The following THOC2 variants were observed in gnomAD, a reference collection of about 807,000 sequenced individuals.
The protein encoded by THOC2 is THO complex subunit 2.
In THOC2, 10 loss-of-function variants were observed where a neutral mutation model predicts 128.4. That is an observed-to-expected ratio of 0.08 (90% confidence interval 0.05 to 0.13). The LOEUF is 0.13. Among genes scored for constraint, THOC2 ranks in the 10% least tolerant of loss-of-function variants. THOC2 has a pLI of 1.00. For synonymous variants in THOC2, 393 were observed against 396.9 expected (o/e 0.99, Z 0.12); for missense variants, 535 against 1,155.7 (o/e 0.46, Z 7.79).
At chrX:123,728,192 GT>G (rs2052077588) in intron 1 of THOC2, among the ~76,000 whole-genome samples, 1 of 110,095 alleles carries the variant, frequency 9.1e-6, no homozygotes, top group Admixed American at 9.8e-5. Context: ...GGACAACACA[GT>G]TTTATCTTGT....
intron 22 of THOC2, among the ~76,000 whole-genome samples, chrX:123,628,609 G>C (rs756302450): frequency 4.9e-4 from 54 of 110,002 alleles, no homozygotes; most frequent in Middle Eastern, 4.7e-3. Flanking sequence ...TACTTGGGAG[G>C]CTGAGGTGAG....
rs909315652 is a variant in THOC2, at chrX:123,686,569, C to T, written c.747G>A (p.Gly249=). Residue 249 remains glycine, a synonymous_variant, in exon 8 of 39, where the codon GGG becomes GGA. Coordinates refer to ENST00000245838, the MANE Select transcript of THOC2 (RefSeq NM_001081550.2). Reference sequence around the variant, plus strand: ...TTACCTGGTAAAACTTGAATTTGAACCCAAGAATATGACACAGTGTTTGCG... The same window carrying T: ...TTACCTGGTAAAACTTGAATTTGAATCCAAGAATATGACACAGTGTTTGCG... ...CEPQTLCHIL[G]FKFKFYQEPN... 3.3e-6 allele frequency: 4 copies of T among 1,195,718 alleles called. No homozygotes were observed. The highest frequency in any genetic ancestry group is 4.5e-6 in the Non-Finnish European group (4 of 887,468).
At chrX:123,666,735 C>T (rs2049064396) in intron 11 of THOC2, among the ~76,000 whole-genome samples, 1 of 111,703 alleles carries the variant, frequency 9.0e-6, no homozygotes, top group Non-Finnish European at 1.9e-5. Flanking sequence ...AGCCACTCAG[C>T]CAGGATGGAG....
At chrX:123,611,549 GAAAGCCAAATATA>G (rs772572749) in intron 36 of THOC2, 33 bp from the exon 37 acceptor site, 1 of 988,118 alleles carries the variant, frequency 1.0e-6, no homozygotes, top group African/African-American at 1.9e-5. Flanking sequence ...CTGGGGAAGG[GAAAGCCAAATATA>G]AAAGCCAGCT....
chrX:123,621,612 T>C, intron 30 of THOC2, 25 bp from the exon 31 acceptor site: 1 of 1,001,672 alleles, frequency 1.0e-6, no homozygotes, highest in Non-Finnish European at 1.3e-6. Context: ...CATGGGATTT[T>C]AACACAAATA....
rs138972494 is a variant in THOC2 at position 123,725,297 on chromosome X, G to A, written c.71+7655C>T. On this transcript the variant is annotated intron_variant, in intron 1 of 38. Coordinates refer to ENST00000245838, the MANE Select transcript of THOC2 (RefSeq NM_001081550.2). ...GAACAGTGGTTGGTTAAGAACACTG[G>A]TTAAAGTTGGATATGCTGGCTCATG... 4.2e-3 allele frequency among the ~76,000 whole-genome samples: 459 copies of A among 109,076 alleles called. 2 individuals are homozygous for A. The highest frequency in any genetic ancestry group is 0.015 in the African/African-American group (434 of 29,929). The allele number at this position is 109,076 out of a possible 115,157, so 94.7% of individuals were successfully genotyped here. A position where few individuals can be genotyped will look rare whatever the true frequency, so the allele number is the denominator to read the frequency against.
At chrX:123,722,186 A>T (rs911109186) in intron 1 of THOC2, among the ~76,000 whole-genome samples, 3 of 111,899 alleles carry the variant, frequency 2.7e-5, no homozygotes, top group African/African-American at 9.8e-5. Flanking sequence ...AGAACCAGAA[A>T]TACCATTTGA....
chrX:123,642,886 T>C (rs1279174215), intron 15 of THOC2, among the ~76,000 whole-genome samples: 2 of 111,583 alleles, frequency 1.8e-5, no homozygotes, highest in Non-Finnish European at 3.8e-5. Context: ...TGAGACTTTT[T>C]GCTGTATTTA....
chrX:123,644,528 G>C (rs766699040), intron 15 of THOC2, 47 bp downstream of exon 15: 1 of 955,298 alleles, frequency 1.0e-6, no homozygotes, highest in Admixed American at 2.8e-5. Flanking sequence ...AAGTATATTA[G>C]ATTCAGATAT....
chrX:123,721,701 G>A (rs775726251), intron 1 of THOC2, among the ~76,000 whole-genome samples: 6 of 108,176 alleles, frequency 5.5e-5, no homozygotes, highest in East Asian at 3.0e-4. Context: ...CAGGAGAATC[G>A]CTTGGACTCA....
chrX:123,640,044 A>C (rs12389592), intron 16 of THOC2, among the ~76,000 whole-genome samples: 2,811 of 111,221 alleles, frequency 0.025, 80 homozygotes, highest in African/African-American at 0.087. Flanking sequence ...AAAATTAGCC[A>C]AGTGCAGTGG....
intron 8 of THOC2, among the ~76,000 whole-genome samples, chrX:123,673,899 T>G (rs756030183): frequency 5.4e-5 from 6 of 111,669 alleles, no homozygotes; most frequent in Non-Finnish European, 1.1e-4. Flanking sequence ...AGCTTTGAAT[T>G]TCATATCACT....
At chrX:123,665,126 G>A (rs889135511) in intron 12 of THOC2, among the ~76,000 whole-genome samples, 5 of 111,347 alleles carry the variant, frequency 4.5e-5, no homozygotes, top group African/African-American at 6.5e-5. Flanking sequence ...ACAATGTTTC[G>A]GTTGATGGAC....
chrX:123,613,882 G>A (rs2046795262), intron 34 of THOC2, among the ~76,000 whole-genome samples, 170 bp downstream of exon 34: 1 of 111,163 alleles, frequency 9.0e-6, no homozygotes, highest in Non-Finnish European at 1.9e-5. Flanking sequence ...TTACTAGGCT[G>A]AAGATCCTTA....
At chrX:123,725,570 T>C (rs1051526318) in intron 1 of THOC2, among the ~76,000 whole-genome samples, 3 of 93,770 alleles carry the variant, frequency 3.2e-5, no homozygotes, top group Non-Finnish European at 6.1e-5. Context: ...GTAGTACCAC[T>C]GCACTCCAGC....
intron 8 of THOC2, among the ~76,000 whole-genome samples, chrX:123,675,822 T>C (rs1603295384): frequency 8.9e-6 from 1 of 112,080 alleles, no homozygotes; most frequent in Non-Finnish European, 1.9e-5. Context: ...GTATTCTTCA[T>C]CACGTGTGGC....
chrX:123,624,792 C>A, intron 25 of THOC2, 123 bp from the exon 26 acceptor site: 1 of 611,250 alleles, frequency 1.6e-6, no homozygotes, highest in South Asian at 4.9e-5. Flanking sequence ...TGTATATTCC[C>A]TTTATATAAT....
intron 33 of THOC2, among the ~76,000 whole-genome samples, chrX:123,615,617 C>T (rs192809486): frequency 3.0e-5 from 3 of 98,624 alleles, no homozygotes; most frequent in East Asian, 7.3e-4. Flanking sequence ...GAAGACTTCT[C>T]TAAGTAGTAA....
chrX:123,706,422 C>T (rs2050930293), intron 3 of THOC2, among the ~76,000 whole-genome samples: 1 of 110,003 alleles, frequency 9.1e-6, no homozygotes, highest in South Asian at 3.9e-4. Flanking sequence ...GCACAACGTG[C>T]AGGTTTGTTA....
Sources: allele counts gnomAD v4.1 joint callset (sites outside exome capture counted in the v4.1 genomes callset), GRCh38; gene constraint gnomAD v4.1.1; transcripts MANE v1.5; gene names NCBI Gene and HGNC (gene_info 2026-07-23, HGNC 2026-07-21).